ALKBH1: variants seen among roughly 807,000 people sequenced by gnomAD.
ALKBH1 encodes the protein alkB homolog 1, histone H2A dioxygenase.
Under a neutral mutation model 36.6 loss-of-function variants are expected in ALKBH1, and 31 were observed. The ratio of observed to expected loss-of-function variants is 0.85; its 90% CI spans 0.64 to 1.14. The LOEUF (loss-of-function observed/expected upper bound fraction) is 1.14. ALKBH1 is among the 50% of genes most tolerant of loss of function. The pLI, the probability that ALKBH1 is intolerant of heterozygous loss-of-function variation, is 0.00. For missense variants in ALKBH1, 490 were observed against 497.3 expected, an observed-to-expected ratio of 0.99 and a Z score of 0.14; for synonymous variants, 183 against 186.6, an observed-to-expected ratio of 0.98 and a Z score of 0.16.
intron 4 of ALKBH1, among the ~76,000 whole-genome samples, chr14:77,676,990 G>A (rs573538491): frequency 1.3e-5 from 2 of 151,712 alleles, no homozygotes; most frequent in African/African-American, 4.8e-5. Flanking sequence ...TTACACCTAA[G>A]GATCACAAAT....
chr14:77,705,241 C>T (rs1444580745), intron 1 of ALKBH1, among the ~76,000 whole-genome samples: 4 of 151,916 alleles, frequency 2.6e-5, no homozygotes, highest in East Asian at 3.9e-4. Context: ...GGTGAAACCC[C>T]GTCTCTACTA....
Position 77,679,921 on chromosome 14 carries a change from G to A in ALKBH1, c.505C>T (p.Arg169Cys), listed in dbSNP as rs764694107. 1.6e-5 allele frequency: 26 copies of A among 1,614,098 alleles called. No homozygotes were observed. Among genetic ancestry groups the A allele is most frequent in the Non-Finnish European group, 1.9e-5 (23 of 1,179,948 alleles). ...RRPRSLLEKL[R>C]WVTVGYHYNW... ...TAATGGTAGCCTACGGTCACCCAAC[G>A]CAGTTTCTCCAGTAAACTTCGGGGT... is the stretch of plus-strand genomic sequence containing the variant. Residue 169 changes from arginine (R) to cysteine (C), a missense_variant, in exon 4 of 6, where the codon CGT becomes TGT. Coordinates refer to ENST00000216489, the MANE Select transcript of ALKBH1 (RefSeq NM_006020.3).
chr14:77,675,811 G>A lies in ALKBH1; in HGVS notation c.585C>T (p.Asp195=), dbSNP rs145967498. The change falls in exon 5 of 6, where the codon GAC becomes GAT. Residue 195 remains aspartate (D), a synonymous_variant. Coordinates refer to ENST00000216489, the MANE Select transcript of ALKBH1 (RefSeq NM_006020.3). Reference sequence around the variant, plus strand: ...CTACTTGCTCTGAGAGGAAACCCAGGTCAGAAGGGAAAGGTGTGTAATGAT... The same window carrying A: ...CTACTTGCTCTGAGAGGAAACCCAGATCAGAAGGGAAAGGTGTGTAATGAT... ...SADHYTPFPS[D]LGFLSEQVAA... 1.7e-4 allele frequency: 273 copies of A among 1,613,934 alleles called. 1 individual carries two copies. In the East Asian group the frequency reaches 3.8e-3, roughly 23 times the overall value.
intron 1 of ALKBH1, among the ~76,000 whole-genome samples, chr14:77,704,818 G>A (rs966669279): frequency 6.6e-6 from 1 of 152,182 alleles, no homozygotes; most frequent in African/African-American, 2.4e-5. Context: ...GTCATTTAAT[G>A]TCTTAGAGCC....
chr14:77,681,309 C>T (rs1427039862), intron 3 of ALKBH1, among the ~76,000 whole-genome samples: 1 of 152,124 alleles, frequency 6.6e-6, no homozygotes, highest in African/African-American at 2.4e-5. Flanking sequence ...AGTCAGCTGT[C>T]GAATCAGTTG....
At chr14:77,705,987 G>A (rs1453260368) in intron 1 of ALKBH1, among the ~76,000 whole-genome samples, 1 of 152,032 alleles carries the variant, frequency 6.6e-6, no homozygotes, top group Non-Finnish European at 1.5e-5. Flanking sequence ...CCTAGGAGAT[G>A]GAGGTTGCAG....
chr14:77,707,954 C>T lies in ALKBH1; in HGVS notation c.51G>A (p.Glu17=), dbSNP rs2080406388. Residue 17 remains glutamate, a synonymous_variant, in exon 1 of 6, where the codon GAG becomes GAA. Coordinates refer to ENST00000216489, the MANE Select transcript of ALKBH1 (RefSeq NM_006020.3). ...AVGSVATLAT[E]PGEDAFRKLF... is the part of the protein sequence containing the mutation. ...GTTTCCGAAAGGCGTCCTCCCCGGG[C>T]TCAGTCGCCAGAGTCGCCACAGAGC... The T allele has an allele frequency of 6.2e-7, 1 of 1,613,262 alleles. No individual in the cohort carries two copies. The highest frequency in any genetic ancestry group is 1.1e-5 in the South Asian group (1 of 91,052).
At position 77,673,633 on chromosome 14, in the gene ALKBH1, T is replaced by A. The variant is rs557304180; in HGVS notation, c.*179A>T. 1 of 634,618 alleles carries A rather than the reference T, an allele frequency of 1.6e-6. No individual in the cohort carries two copies. The highest frequency in any genetic ancestry group is 2.0e-5 in the South Asian group (1 of 50,612). 39.3% of individuals were successfully genotyped at this position (634,618 alleles called of 1,614,324 possible). On this transcript the variant is annotated 3_prime_UTR_variant, in exon 6 of 6. Coordinates refer to ENST00000216489, the MANE Select transcript of ALKBH1 (RefSeq NM_006020.3). ...GAACAGACCATGTCAAACACTTCTC[T>A]GAGCAAAGTGGCTGAGTTTACTTCT...
At chr14:77,688,318 G>A (rs1442046905) in intron 3 of ALKBH1, among the ~76,000 whole-genome samples, 2 of 150,800 alleles carry the variant, frequency 1.3e-5, no homozygotes, top group Admixed American at 6.6e-5. Context: ...GTGCAGTGGC[G>A]TGATCTCAGC....
chr14:77,678,087 CAAAAA>C (rs11440428), intron 4 of ALKBH1, among the ~76,000 whole-genome samples: 13 of 55,082 alleles, frequency 2.4e-4, no homozygotes, highest in African/African-American at 5.2e-4. Context: ...ATATTATCAC[CAAAAA>C]AAAAAAAAAA....
At chr14:77,694,446 T>C (rs1177414305) in intron 3 of ALKBH1, among the ~76,000 whole-genome samples, 1 of 152,140 alleles carries the variant, frequency 6.6e-6, no homozygotes, top group East Asian at 1.9e-4. Context: ...TAGAAAAAAA[T>C]GGCTGAAGCT....
Position 77,685,982 on chromosome 14 carries a change from G to A in ALKBH1, c.456-6012C>T, listed in dbSNP as rs370024864. Among the ~76,000 whole-genome samples the A allele has an allele frequency of 3.3e-5, 5 of 152,232 alleles. No individual in the cohort carries two copies. In the Middle Eastern group the frequency reaches 0.014, roughly 417 times the overall value. On this transcript the variant is annotated intron_variant, in intron 3 of 5. Transcript: ENST00000216489. Reference sequence around the variant, plus strand: ...GTATTAGACCCATGTAAGTGCATTAGACCCTCATTTTATATTCTCTTCTGA... The same window carrying A: ...GTATTAGACCCATGTAAGTGCATTAAACCCTCATTTTATATTCTCTTCTGA...
intron 3 of ALKBH1, chr14:77,683,158 T>C: frequency 2.0e-6 from 1 of 491,198 alleles, no homozygotes; most frequent in South Asian, 2.3e-5. Flanking sequence ...TCTTTTTTTT[T>C]TTTTTTTTTT....
Position 77,694,899 on chromosome 14 carries a change from C to A in ALKBH1, c.294G>T (p.Gly98=). The part of the protein sequence containing the change: ...WQAYGLKGYP[G]FIFIPNPFLP... ...GGAAGGGGTTTGGGATAAAAATAAA[C>A]CCTATACAAAAGATGGGTGGGAAAA... is the stretch of plus-strand genomic sequence containing the variant. The change falls in exon 3 of 6, where the codon GGG becomes GGT. Residue 98 remains glycine, a splice_region_variant and synonymous_variant. Coordinates refer to ENST00000216489, the MANE Select transcript of ALKBH1 (RefSeq NM_006020.3). The A allele has an allele frequency of 2.6e-6, 4 of 1,516,634 alleles. No homozygotes were observed. The highest frequency in any genetic ancestry group is 1.4e-5 in the South Asian group (1 of 73,004). 93.9% of individuals were successfully genotyped at this position (1,516,634 alleles called of 1,614,324 possible). A position where few individuals can be genotyped will look rare whatever the true frequency, so the allele number is the denominator to read the frequency against.
At chr14:77,706,082 TAC>T (rs1566819104) in intron 1 of ALKBH1, among the ~76,000 whole-genome samples, 1 of 136,764 alleles carries the variant, frequency 7.3e-6, no homozygotes, top group African/African-American at 2.7e-5. Context: ...ATATTATATA[TAC>T]ACACACATAT....
At chr14:77,683,303 G>A in intron 3 of ALKBH1, 1 of 747,370 alleles carries the variant, frequency 1.3e-6, no homozygotes, top group East Asian at 2.5e-5. Flanking sequence ...TGGCACTTCA[G>A]TTGAACTCAG....
At chr14:77,684,816 G>A (rs1011704580) in intron 3 of ALKBH1, among the ~76,000 whole-genome samples, 3 of 151,980 alleles carry the variant, frequency 2.0e-5, no homozygotes, top group Non-Finnish European at 2.9e-5. Context: ...CCAAAGTATC[G>A]GTACTACAGA....
chr14:77,686,193 T>G (rs1224389312), intron 3 of ALKBH1, among the ~76,000 whole-genome samples: 1 of 152,196 alleles, frequency 6.6e-6, no homozygotes, highest in Non-Finnish European at 1.5e-5. Context: ...AGATTTGTTC[T>G]TGAACACTGT....
chr14:77,688,698 A>T (rs976976371), intron 3 of ALKBH1, among the ~76,000 whole-genome samples: 2 of 151,478 alleles, frequency 1.3e-5, no homozygotes, highest in Non-Finnish European at 2.9e-5. Flanking sequence ...CAGCTTCCCT[A>T]GTAGCTGGGA....
Sources: gnomAD v4.1 joint callset for allele counts (sites outside exome capture counted in the v4.1 genomes callset) on GRCh38, gnomAD v4.1.1 for gene constraint, MANE v1.5 for transcripts, NCBI Gene and HGNC (gene_info 2026-07-23, HGNC 2026-07-21) for gene names.